The following GRIN2A variants were observed in gnomAD, a reference collection of about 807,000 sequenced individuals.
GRIN2A encodes glutamate receptor ionotropic, NMDA 2A.
GRIN2A carries 22 observed loss-of-function variants against 113.4 expected under a neutral mutation model. That is an observed-to-expected ratio of 0.19 (90% CI 0.14 to 0.28). The LOEUF is 0.28. GRIN2A is among the 10% of genes least tolerant of loss of function. The pLI, the probability that GRIN2A is intolerant of heterozygous loss-of-function variation, is 1.00. For synonymous variants in GRIN2A, 827 were observed against 738.4 expected (o/e 1.12, Z -1.94); for missense variants, 1,502 against 1,887.0 (o/e 0.80, Z 3.78).
At chr16:9,999,274 C>G (rs982008634) in intron 2 of GRIN2A, among the ~76,000 whole-genome samples, 1 of 152,118 alleles carries the variant, frequency 6.6e-6, no homozygotes. Flanking sequence ...CAAGAAGTGA[C>G]CTTGGCATAT....
chr16:9,853,341 T>C (rs1404987658), intron 4 of GRIN2A, among the ~76,000 whole-genome samples: 1 of 152,198 alleles, frequency 6.6e-6, no homozygotes, highest in Non-Finnish European at 1.5e-5. Flanking sequence ...AGGAGGGGTC[T>C]TTGGGAGCTG....
At chr16:10,066,159 C>T (rs1028151201) in intron 2 of GRIN2A, among the ~76,000 whole-genome samples, 1 of 152,172 alleles carries the variant, frequency 6.6e-6, no homozygotes, top group South Asian at 2.1e-4. Flanking sequence ...AATTTCATAT[C>T]CCCCGGTGTT....
intron 2 of GRIN2A, among the ~76,000 whole-genome samples, chr16:9,944,999 A>C (rs549173367): frequency 3.3e-5 from 5 of 152,204 alleles, no homozygotes; most frequent in African/African-American, 1.2e-4. Flanking sequence ...TTCTTAGGGG[A>C]GGAGACAAAC....
At chr16:9,790,972 A>G (rs545550228) in intron 11 of GRIN2A, among the ~76,000 whole-genome samples, 152 of 152,348 alleles carry the variant, frequency 1.0e-3, no homozygotes, top group African/African-American at 3.4e-3. Flanking sequence ...GGAGAGGCCA[A>G]CAATGGCATC....
Position 10,139,095 on chromosome 16 carries a change from G to T in GRIN2A, c.414+40903C>A, listed in dbSNP as rs1467671613. On this transcript the variant is annotated intron_variant, in intron 2 of 12. Coordinates refer to ENST00000330684, the MANE Select transcript of GRIN2A (RefSeq NM_001134407.3). ...CAGAACACCGGATGGAGACAGCACG[G>T]ATCAAGCCAAGTAAAAATTGAGAGC... Among the ~76,000 whole-genome samples the T allele has an allele frequency of 2.0e-5, 3 of 152,350 alleles. No individual in the cohort carries two copies. The East Asian group carries it at 5.8e-4, about 29-fold the overall frequency.
At chr16:9,886,295 T>C (rs773137519) in intron 4 of GRIN2A, among the ~76,000 whole-genome samples, 73 of 152,030 alleles carry the variant, frequency 4.8e-4, no homozygotes, top group Admixed American at 2.4e-3. Context: ...TGGCTTTACA[T>C]GTGTAAGAGG....
At chr16:9,946,375 G>T (rs1302584722) in intron 2 of GRIN2A, among the ~76,000 whole-genome samples, 1 of 152,204 alleles carries the variant, frequency 6.6e-6, no homozygotes, top group African/African-American at 2.4e-5. Context: ...AGACCATGGG[G>T]TTGGGTCTCT....
At chr16:10,103,716 G>C (rs998742750) in intron 2 of GRIN2A, among the ~76,000 whole-genome samples, 22 of 152,184 alleles carry the variant, frequency 1.4e-4, no homozygotes, top group African/African-American at 5.3e-4. Context: ...TCCAGTGACA[G>C]AACTCTAGAC....
chr16:9,882,147 G>T (rs1048171162), intron 4 of GRIN2A, among the ~76,000 whole-genome samples: 4 of 152,086 alleles, frequency 2.6e-5, no homozygotes, highest in Non-Finnish European at 5.9e-5. Context: ...GGCCCTGCTA[G>T]GCTAAATGTG....
chr16:9,943,363 G>T (rs1036236495), intron 2 of GRIN2A: 1 of 152,222 alleles, frequency 6.6e-6, no homozygotes. Flanking sequence ...GGGATTCTGG[G>T]TGTCTGCTCT....
At chr16:9,910,354 A>T (rs28700977) in intron 3 of GRIN2A, among the ~76,000 whole-genome samples, 3 of 151,992 alleles carry the variant, frequency 2.0e-5, no homozygotes. Context: ...AAAATGGCAA[A>T]TTTTTTGTTT....
chr16:9,792,091 G>A (rs1902641104), intron 11 of GRIN2A, among the ~76,000 whole-genome samples: 2 of 138,690 alleles, frequency 1.4e-5, no homozygotes, highest in African/African-American at 2.9e-5. Flanking sequence ...GTGTGTGTGT[G>A]TGTGTGTGTG....
Position 9,840,410 on chromosome 16 carries a change from C to T in GRIN2A, c.1651+237G>A, listed in dbSNP as rs541430372. Among the ~76,000 whole-genome samples, 11 of 152,220 alleles carry T rather than the reference C, an allele frequency of 7.2e-5. No individual in the cohort carries two copies. In the South Asian group the frequency reaches 1.9e-3, roughly 26 times the overall value. ...AGGGGAGAAACCATCCCCATGATCC[C>T]GTCACCTCCCATCAGGTCTCTCCCT... On this transcript the variant is annotated intron_variant, in intron 7 of 12. Coordinates refer to ENST00000330684, the MANE Select transcript of GRIN2A (RefSeq NM_001134407.3).
rs1285235314 is a variant in GRIN2A at position 9,753,943 on chromosome 16, A to G, written c.*9206T>C. 1.7e-5 allele frequency: 3 copies of G among 178,694 alleles called. No homozygotes were observed. Among genetic ancestry groups the G allele is most frequent in the Non-Finnish European group, 3.6e-5 (3 of 83,332 alleles). 11.1% of individuals were successfully genotyped at this position (178,694 alleles called of 1,614,324 possible). A position where few individuals can be genotyped will look rare whatever the true frequency, so the allele number is the denominator to read the frequency against. ...TGTTGGGTTAAAAATGGACTCAGAC[A>G]TAAACCTGGATAGCTGCTTAATTCA... On this transcript the variant is annotated 3_prime_UTR_variant, in exon 13 of 13. Transcript: ENST00000330684.
intron 2 of GRIN2A, among the ~76,000 whole-genome samples, chr16:10,110,628 G>T (rs774584247): frequency 6.6e-6 from 1 of 152,250 alleles, no homozygotes; most frequent in African/African-American, 2.4e-5. Flanking sequence ...AACAGGATTT[G>T]CTGACAGACT....
In GRIN2A at chr16:9,798,407, A is replaced by C. The variant is rs747422717; in HGVS notation, c.2226T>G (p.Asp742Glu). The C allele has an allele frequency of 6.2e-7, 1 of 1,614,072 alleles. No individual in the cohort carries two copies. The highest frequency in any genetic ancestry group is 2.2e-5 in the East Asian group (1 of 44,850). Reference protein sequence around the residue: ...AAVLNYKAGRDEGCKLVTIGS... With the variant: ...AAVLNYKAGREEGCKLVTIGS... ...CGATGGTCACCAGCTTGCAGCCTTC[A>C]TCCCTCCCAGCCTTGTAATTCAAGA... The change falls in exon 11 of 13, where the codon GAT becomes GAG. Residue 742 changes from aspartate (D) to glutamate (E), a missense_variant. Physicochemically the swap from Asp to Glu is conservative, Grantham distance 45 (BLOSUM62 2). This residue lies in a region of GRIN2A where 101 missense variants were observed against 240.4 expected (regional missense o/e 0.42). Coordinates refer to ENST00000330684, the MANE Select transcript of GRIN2A (RefSeq NM_001134407.3).
chr16:9,982,377 G>A (rs2045907437), intron 2 of GRIN2A, among the ~76,000 whole-genome samples: 1 of 152,112 alleles, frequency 6.6e-6, no homozygotes, highest in African/African-American at 2.4e-5. Flanking sequence ...TAATTGCCTG[G>A]ATCCATTAGT....
chr16:10,082,640 G>A (rs377302561), intron 2 of GRIN2A, among the ~76,000 whole-genome samples: 2 of 152,188 alleles, frequency 1.3e-5, no homozygotes, highest in African/African-American at 4.8e-5. Flanking sequence ...ACTGGAAGCA[G>A]CAGAGCCCTC....
chr16:9,888,992 A>C (rs1287590290), intron 4 of GRIN2A, among the ~76,000 whole-genome samples: 5 of 152,162 alleles, frequency 3.3e-5, no homozygotes, highest in Non-Finnish European at 7.4e-5. Flanking sequence ...ATATTATTAC[A>C]TTATGATTAG....
Sources: gnomAD v4.1 joint callset for allele counts (sites outside exome capture counted in the v4.1 genomes callset) on GRCh38, gnomAD v4.1.1 for gene constraint, gnomAD v4.1.1 regional missense constraint, MANE v1.5 for transcripts, NCBI Gene and HGNC (gene_info 2026-07-23, HGNC 2026-07-21) for gene names.